Variants in CAV3 observed in about 807,000 individuals in gnomAD.
The protein encoded by CAV3 is caveolin 3.
A neutral mutation model predicts 13.4 loss-of-function variants in CAV3; 10 were observed. The observed-to-expected ratio is 0.75, with a 90% confidence interval of 0.46 to 1.27. CAV3 has a LOEUF of 1.27. CAV3 is among the 50% of genes most tolerant of loss of function. CAV3 has a pLI of 0.00. For missense variants in CAV3, 162 were observed against 194.0 expected, an observed-to-expected ratio of 0.83 and a Z score of 0.98; for synonymous variants, 90 against 79.0, an observed-to-expected ratio of 1.14 and a Z score of -0.74.
intron 1 of CAV3, among the ~76,000 whole-genome samples, chr3:8,736,453 G>A (rs1707759048): frequency 6.6e-6 from 1 of 152,252 alleles, no homozygotes; most frequent in Non-Finnish European, 1.5e-5. Flanking sequence ...GAGGGCAAGA[G>A]AGCTAAGCCA....
intron 1 of CAV3, among the ~76,000 whole-genome samples, chr3:8,736,548 T>C (rs1707763514): frequency 6.6e-6 from 1 of 152,098 alleles, no homozygotes; most frequent in African/African-American, 2.4e-5. Context: ...CGGGAGAACA[T>C]GGTTTCTAAA....
At position 8,745,953 on chromosome 3, in the gene CAV3, G is replaced by T. The variant is rs1052106103; in HGVS notation, c.*86G>T. ...GGACTTCTTCACAGGGGCTGCTGGC[G>T]AGCTCTTTCTCTTTAGGGACTGCTC... On this transcript the variant is annotated 3_prime_UTR_variant, in exon 2 of 2. Transcript: ENST00000343849. This position sits in a 1 kb window ranked among gnomAD's most constrained non-coding sequence, Gnocchi z 4.8. 2.7e-6 allele frequency: 3 copies of T among 1,112,058 alleles called. No individual in the cohort carries two copies. The Admixed American group carries it at 5.8e-5, about 21-fold the overall frequency. 68.9% of individuals were successfully genotyped at this position (1,112,058 alleles called of 1,614,324 possible).
In CAV3 at chr3:8,745,744, G is replaced by A; in HGVS notation, c.333G>A (p.Leu111=). The A allele has an allele frequency of 1.2e-6, 2 of 1,614,116 alleles. No homozygotes were observed. The highest frequency in any genetic ancestry group is 1.1e-5 in the South Asian group (1 of 91,082). The change falls in exon 2 of 2, where the codon CTG becomes CTA. Residue 111 remains leucine, a synonymous_variant. Coordinates refer to ENST00000343849, the MANE Select transcript of CAV3 (RefSeq NM_033337.3). The surrounding 1 kb of genome is among the most constrained non-coding windows in gnomAD (Gnocchi z 4.8). ...WAVVPCIKSY[L]IEIQCISHIY... is the part of the protein sequence containing the mutation. ...TGGTGCCATGCATTAAGAGCTACCT[G>A]ATCGAGATCCAGTGCATCAGCCACA...
chr3:8,738,189 C>T (rs982146567), intron 1 of CAV3, among the ~76,000 whole-genome samples: 4 of 152,236 alleles, frequency 2.6e-5, no homozygotes, highest in African/African-American at 7.2e-5. Context: ...CCCTCTTGAG[C>T]TTCTCCCAAG....
rs572333855 is a variant in CAV3, at chr3:8,741,234, A to T, written c.115-4292A>T. On this transcript the variant is annotated intron_variant, in intron 1 of 1. Transcript: ENST00000343849. The stretch of plus-strand genomic sequence containing the variant: ...CTATACTTTTGCAAAACGCAACAAA[A>T]ATTAATCACTGGAAAAATGAAATGA... 4.6e-5 allele frequency among the ~76,000 whole-genome samples: 7 copies of T among 152,364 alleles called. No individual in the cohort carries two copies. In the South Asian group the frequency reaches 1.0e-3, roughly 23 times the overall value.
intron 1 of CAV3, 22 bp downstream of exon 1, chr3:8,734,012 C>A: frequency 1.4e-6 from 2 of 1,413,072 alleles, no homozygotes; most frequent in Non-Finnish European, 2.0e-6. Context: ...AGGCCTGCCT[C>A]GGCGGGCGGA....
chr3:8,742,411 TAC>T, intron 1 of CAV3: 1 of 389,202 alleles, frequency 2.6e-6, no homozygotes, highest in Non-Finnish European at 5.1e-6. Flanking sequence ...AAAAGACACA[TAC>T]AGAAGCCATT....
intron 1 of CAV3, among the ~76,000 whole-genome samples, chr3:8,740,682 G>A (rs1286956120): frequency 6.6e-6 from 1 of 152,160 alleles, no homozygotes; most frequent in East Asian, 1.9e-4. Context: ...ACCTGGAGCT[G>A]AAAAGAGAGG....
At chr3:8,737,473 C>A (rs1707798094) in intron 1 of CAV3, among the ~76,000 whole-genome samples, 1 of 152,116 alleles carries the variant, frequency 6.6e-6, no homozygotes, top group East Asian at 1.9e-4. Flanking sequence ...AGGGGAGGCA[C>A]CCCTTTTTGG....
chr3:8,742,231 C>A (rs147900530), intron 1 of CAV3, among the ~76,000 whole-genome samples: 3,101 of 152,106 alleles, frequency 0.02, 69 homozygotes, highest in Non-Finnish European at 0.03. Flanking sequence ...CTCCTCCAAG[C>A]CCAGCCCAGC....
chr3:8,739,093 C>T (rs1707856645), intron 1 of CAV3, among the ~76,000 whole-genome samples: 1 of 152,200 alleles, frequency 6.6e-6, no homozygotes. Context: ...CTGTCAATGA[C>T]CTCTAAGAAG....
At chr3:8,736,690 G>A (rs6778757) in intron 1 of CAV3, among the ~76,000 whole-genome samples, 6,598 of 152,250 alleles carry the variant, frequency 0.043, 482 homozygotes, top group African/African-American at 0.15. Context: ...CAGGTGCAGC[G>A]GCTTTACGCA....
rs369206230 is a variant in CAV3, at chr3:8,733,909, C to T, written c.33C>T (p.Ala11=). 3 of 1,613,006 alleles carry T rather than the reference C, an allele frequency of 1.9e-6. No homozygotes were observed. Among genetic ancestry groups the T allele is most frequent in the Non-Finnish European group, 2.5e-6 (3 of 1,179,256 alleles). MMAEEHTDLE[A]QIVKDIHCKE... ...CAGAAGAGCACACAGATCTCGAGGC[C>T]CAGATCGTCAAGGATATCCACTGCA... The change falls in exon 1 of 2, where the codon GCC becomes GCT. Residue 11 remains alanine (A), a synonymous_variant. Coordinates refer to ENST00000343849, the MANE Select transcript of CAV3 (RefSeq NM_033337.3).
In CAV3 at chr3:8,746,016, G is replaced by C. The variant is rs1271530345; in HGVS notation, c.*149G>C. 1.9e-5 allele frequency: 12 copies of C among 639,432 alleles called. No individual in the cohort carries two copies. Among genetic ancestry groups the C allele is most frequent in the Middle Eastern group, 4.2e-4 (1 of 2,360 alleles). 39.6% of individuals were successfully genotyped at this position (639,432 alleles called of 1,614,324 possible). Reference sequence around the variant, plus strand: ...TGGAGCACACGGTGTAGGGAAGCCAGAAAGAAAAGACGGCCCAGCCACAGA... The same window carrying C: ...TGGAGCACACGGTGTAGGGAAGCCACAAAGAAAAGACGGCCCAGCCACAGA... On this transcript the variant is annotated 3_prime_UTR_variant, in exon 2 of 2. Transcript: ENST00000343849.
chr3:8,741,252 T>C (rs944545626), intron 1 of CAV3, among the ~76,000 whole-genome samples: 2 of 152,150 alleles, frequency 1.3e-5, no homozygotes, highest in African/African-American at 4.8e-5. Flanking sequence ...ACTGGAAAAA[T>C]GAAATGAAAA....
intron 1 of CAV3, among the ~76,000 whole-genome samples, chr3:8,739,404 G>C (rs1032217918): frequency 2.6e-5 from 4 of 151,808 alleles, no homozygotes; most frequent in African/African-American, 9.7e-5. Flanking sequence ...CCTGAGGTCA[G>C]GAGTTCAAAA....
intron 1 of CAV3, chr3:8,742,326 T>C (rs2124984599): frequency 3.6e-6 from 1 of 276,138 alleles, no homozygotes; most frequent in Non-Finnish European, 7.0e-6. Flanking sequence ...CTGGAAATAA[T>C]TCAAATGTTA....
At chr3:8,740,937 T>C (rs1382198947) in intron 1 of CAV3, among the ~76,000 whole-genome samples, 1 of 152,218 alleles carries the variant, frequency 6.6e-6, no homozygotes, top group Non-Finnish European at 1.5e-5. Flanking sequence ...GCCAGTCCCT[T>C]ACGTGCCATG....
At chr3:8,735,360 C>T (rs183051325) in intron 1 of CAV3, among the ~76,000 whole-genome samples, 1 of 152,312 alleles carries the variant, frequency 6.6e-6, no homozygotes, top group East Asian at 1.9e-4. Context: ...ATCCAGTGTG[C>T]TTCCTATACC....
Sources: allele counts gnomAD v4.1 joint callset (sites outside exome capture counted in the v4.1 genomes callset), GRCh38; gene constraint gnomAD v4.1.1; non-coding constraint Gnocchi (gnomAD v3.1); transcripts MANE v1.5; gene names NCBI Gene and HGNC (gene_info 2026-07-23, HGNC 2026-07-21).